The following DGUOK variants were observed in gnomAD, a reference collection of about 807,000 sequenced individuals.
DGUOK encodes the protein deoxyguanosine kinase, also known as deoxyguanosine kinase, mitochondrial.
DGUOK carries 30 observed loss-of-function variants against 36.6 expected under a neutral mutation model. The observed-to-expected ratio is 0.82, with a 90% confidence interval of 0.61 to 1.11. The LOEUF is 1.11. Ranked by LOEUF, DGUOK falls within the 50% of genes most tolerant of loss-of-function variation. DGUOK has a pLI of 0.00. For synonymous variants in DGUOK, 145 were observed against 126.3 expected (o/e 1.15, Z -0.99); for missense variants, 361 against 336.4 (o/e 1.07, Z -0.57).
intron 1 of DGUOK, among the ~76,000 whole-genome samples, chr2:73,927,485 C>T (rs1275680307): frequency 6.6e-6 from 1 of 152,190 alleles, no homozygotes; most frequent in Non-Finnish European, 1.5e-5. Context: ...TTGGGACATC[C>T]TTACAGCAAA....
At chr2:73,939,362 T>C (rs972314838) in intron 2 of DGUOK, among the ~76,000 whole-genome samples, 2 of 152,256 alleles carry the variant, frequency 1.3e-5, no homozygotes, top group Non-Finnish European at 2.9e-5. Flanking sequence ...CTAGGATTAA[T>C]AGCTAATTAT....
chr2:73,939,955 G>A (rs1011164543), intron 2 of DGUOK, among the ~76,000 whole-genome samples: 1 of 148,532 alleles, frequency 6.7e-6, no homozygotes, highest in African/African-American at 2.5e-5. Context: ...AGGCTGGGGT[G>A]CAATGGTGTG....
intron 1 of DGUOK, among the ~76,000 whole-genome samples, chr2:73,934,785 AGCAGTGGCCCGGC>A (rs1681329166): frequency 1.4e-5 from 2 of 148,008 alleles, no homozygotes; most frequent in Admixed American, 6.8e-5. Context: ...GAAAGATAAC[AGCAGTGGCCCGGC>A]GCAGTGGCTC....
chr2:73,933,729 G>A (rs1681235392), intron 1 of DGUOK, among the ~76,000 whole-genome samples: 1 of 152,002 alleles, frequency 6.6e-6, no homozygotes, highest in African/African-American at 2.4e-5. Context: ...TAAGCTTGGA[G>A]CCTGTATGAT....
At chr2:73,951,828 G>A (rs746812068) in intron 4 of DGUOK, among the ~76,000 whole-genome samples, 4 of 152,190 alleles carry the variant, frequency 2.6e-5, no homozygotes, top group Non-Finnish European at 5.9e-5. Flanking sequence ...AAGCTAGATC[G>A]TACGAGGGAA....
rs1406009315 is a variant in DGUOK, at chr2:73,950,636, G to A, written c.495G>A (p.Glu165=). The change falls in exon 4 of 7, where the codon GAG becomes GAA. Residue 165 remains glutamate, a synonymous_variant. Coordinates refer to ENST00000264093, the MANE Select transcript of DGUOK (RefSeq NM_080916.3). Reference sequence around the variant, plus strand: ...AAAATGGTTCCCTCAGTGACATCGAGTGGCATATCTATCAGGACTGGCATT... The same window carrying A: ...AAAATGGTTCCCTCAGTGACATCGAATGGCATATCTATCAGGACTGGCATT... ...LFENGSLSDI[E]WHIYQDWHSF... The A allele has an allele frequency of 1.9e-6, 3 of 1,613,980 alleles. No individual in the cohort carries two copies. In the African/African-American group the frequency reaches 4.0e-5, roughly 22 times the overall value.
chr2:73,951,221 G>A (rs537179718), intron 4 of DGUOK, among the ~76,000 whole-genome samples: 1 of 152,270 alleles, frequency 6.6e-6, no homozygotes, highest in East Asian at 1.9e-4. Context: ...GACTATAGCA[G>A]TTCCATTCTG....
At chr2:73,946,970 A>C in intron 3 of DGUOK, 64 bp downstream of exon 3, 1 of 1,421,900 alleles carries the variant, frequency 7.0e-7, no homozygotes, top group African/African-American at 1.4e-5. Context: ...TTGATCTTGC[A>C]CAGATCCTGC....
At chr2:73,929,761 A>G (rs1289843345) in intron 1 of DGUOK, among the ~76,000 whole-genome samples, 5 of 152,168 alleles carry the variant, frequency 3.3e-5, no homozygotes, top group Admixed American at 6.5e-5. Context: ...GAACTTGAAA[A>G]GAACAGTTTT....
intron 2 of DGUOK, among the ~76,000 whole-genome samples, chr2:73,942,618 G>T (rs1681984172): frequency 1.3e-5 from 2 of 152,028 alleles, no homozygotes; most frequent in South Asian, 4.1e-4. Flanking sequence ...TTATTTGCTT[G>T]AAGTTTTGGA....
chr2:73,934,968 CAA>C (rs755016475), intron 1 of DGUOK, among the ~76,000 whole-genome samples: 2 of 151,208 alleles, frequency 1.3e-5, no homozygotes, highest in Non-Finnish European at 2.9e-5. Context: ...CCCAGCTACT[CAA>C]GAGGCTGAGG....
Position 73,950,789 on chromosome 2 carries a change from A to G in DGUOK, c.591+57A>G, listed in dbSNP as rs1416897110. The stretch of plus-strand genomic sequence containing the variant: ...GGCCATATGAAACCTAAGAAGTGAC[A>G]TTCTCCAAGCCCCTGATTTTCTGGT... On this transcript the variant is annotated intron_variant, in intron 4 of 6. Transcript: ENST00000264093. The G allele has an allele frequency of 5.0e-6, 8 of 1,607,078 alleles. No homozygotes were observed. The African/African-American group carries it at 8.0e-5, about 16-fold the overall frequency.
At chr2:73,938,785 GT>G in intron 1 of DGUOK, 124 bp from the exon 2 acceptor site, 1 of 744,760 alleles carries the variant, frequency 1.3e-6, no homozygotes, top group Non-Finnish European at 2.5e-6. Flanking sequence ...CGGCTGCTGA[GT>G]TTGAAATTCA....
At chr2:73,947,068 C>A in intron 3 of DGUOK, 162 bp downstream of exon 3, 1 of 739,458 alleles carries the variant, frequency 1.4e-6, no homozygotes, top group Non-Finnish European at 2.3e-6. Context: ...AGTTGTACTT[C>A]TACCAGATTG....
chr2:73,945,785 G>A (rs1006932324), intron 2 of DGUOK, among the ~76,000 whole-genome samples: 35 of 152,176 alleles, frequency 2.3e-4, no homozygotes, highest in Non-Finnish European at 2.9e-4. Context: ...GGTGGCTCAC[G>A]CCTGTAATTC....
chr2:73,927,998 T>C (rs1236903251), intron 1 of DGUOK, among the ~76,000 whole-genome samples: 1 of 152,176 alleles, frequency 6.6e-6, no homozygotes, highest in Non-Finnish European at 1.5e-5. Flanking sequence ...CAAATAAAAA[T>C]CTCTGCTCTC....
intron 4 of DGUOK, among the ~76,000 whole-genome samples, chr2:73,952,747 G>C (rs1171576212): frequency 1.3e-5 from 2 of 152,200 alleles, no homozygotes; most frequent in Non-Finnish European, 2.9e-5. Context: ...GGAGTAAAAT[G>C]GGGCTACTTG....
intron 1 of DGUOK, chr2:73,932,815 C>A: frequency 2.8e-6 from 1 of 356,726 alleles, no homozygotes; most frequent in Non-Finnish European, 5.1e-6. Flanking sequence ...GCATGACTTA[C>A]GAAGCCATAT....
intron 2 of DGUOK, 55 bp from the exon 3 acceptor site, chr2:73,946,664 C>T (rs138535698): frequency 2.4e-4 from 368 of 1,515,972 alleles, no homozygotes; most frequent in Admixed American, 5.7e-4. Context: ...GGGTGTACCC[C>T]ATGGAGTAAA....
Sources: gnomAD v4.1 joint callset for allele counts (sites outside exome capture counted in the v4.1 genomes callset) on GRCh38, gnomAD v4.1.1 for gene constraint, MANE v1.5 for transcripts, NCBI Gene and HGNC (gene_info 2026-07-23, HGNC 2026-07-21) for gene names.